The following ATP6V0A4 variants were observed in gnomAD, a reference collection of about 807,000 sequenced individuals.
ATP6V0A4 encodes V-type proton ATPase 116 kDa subunit a 4.
A neutral mutation model predicts 107.3 loss-of-function variants in ATP6V0A4; 86 were observed. The ratio of observed to expected loss-of-function variants is 0.80; its 90% CI spans 0.67 to 0.96. The LOEUF is 0.96. Among genes scored for constraint, ATP6V0A4 ranks in the 40% least tolerant of loss-of-function variants. ATP6V0A4 has a pLI of 0.00. For synonymous variants in ATP6V0A4, 353 were observed against 381.4 expected (o/e 0.93, Z 0.87); for missense variants, 908 against 1,045.6 (o/e 0.87, Z 1.81).
chr7:138,777,725 CCAG>C (rs1293641582), intron 2 of ATP6V0A4, among the ~76,000 whole-genome samples: 5 of 151,410 alleles, frequency 3.3e-5, no homozygotes, highest in African/African-American at 9.7e-5. Flanking sequence ...TTCTTCCCAA[CCAG>C]TAAAAATAAA....
chr7:138,777,578 G>T (rs1035315856), intron 2 of ATP6V0A4, among the ~76,000 whole-genome samples: 8 of 142,390 alleles, frequency 5.6e-5, no homozygotes, highest in Admixed American at 1.5e-4. Context: ...TCGTGCCATT[G>T]CACCCCAGCC....
At chr7:138,719,431 T>C (rs1341121943) in intron 19 of ATP6V0A4, among the ~76,000 whole-genome samples, 1 of 152,192 alleles carries the variant, frequency 6.6e-6, no homozygotes, top group Non-Finnish European at 1.5e-5. Context: ...GAGTTGGGAA[T>C]GATCTGCAAG....
intron 13 of ATP6V0A4, 111 bp downstream of exon 13, chr7:138,747,314 T>C (rs1562998697): frequency 1.1e-5 from 15 of 1,383,578 alleles, no homozygotes; most frequent in African/African-American, 1.4e-5. Flanking sequence ...TTTTTTACTT[T>C]CCTTCTCTCC....
At chr7:138,757,116 C>A (rs1806549600) in intron 8 of ATP6V0A4, among the ~76,000 whole-genome samples, 1 of 152,140 alleles carries the variant, frequency 6.6e-6, no homozygotes, top group South Asian at 2.1e-4. Context: ...AAGATGTGTT[C>A]CACAAGCAGA....
At chr7:138,707,692 G>GATT (rs1803518329) in intron 21 of ATP6V0A4, among the ~76,000 whole-genome samples, 1 of 151,460 alleles carries the variant, frequency 6.6e-6, no homozygotes, top group Non-Finnish European at 1.5e-5. Context: ...GTAAGCCACT[G>GATT]CATCCAGGCC....
intron 9 of ATP6V0A4, 26 bp from the exon 10 acceptor site, chr7:138,755,808 A>G: frequency 6.2e-7 from 1 of 1,609,492 alleles, no homozygotes; most frequent in Non-Finnish European, 8.5e-7. Context: ...TCCAAAGGAA[A>G]CAGGTGAGTT....
intron 14 of ATP6V0A4, among the ~76,000 whole-genome samples, chr7:138,741,753 G>A (rs140858936): frequency 9.7e-4 from 147 of 152,234 alleles, no homozygotes; most frequent in African/African-American, 3.2e-3. Flanking sequence ...GAGTCAATAC[G>A]CCCAACTCCA....
intron 5 of ATP6V0A4, 47 bp from the exon 6 acceptor site, chr7:138,763,072 C>T: frequency 6.2e-7 from 1 of 1,609,164 alleles, no homozygotes; most frequent in East Asian, 2.2e-5. Context: ...AGTGCTATGA[C>T]ATTCCTGAAA....
At chr7:138,764,345 C>A (rs1315467549) in intron 5 of ATP6V0A4, among the ~76,000 whole-genome samples, 2 of 151,802 alleles carry the variant, frequency 1.3e-5, no homozygotes, top group African/African-American at 4.8e-5. Context: ...ACTTTTTATA[C>A]CTTACATGTT....
At chr7:138,770,375 A>G (rs954961964) in intron 3 of ATP6V0A4, among the ~76,000 whole-genome samples, 1 of 152,150 alleles carries the variant, frequency 6.6e-6, no homozygotes, top group African/African-American at 2.4e-5. Context: ...GGGGTCATAA[A>G]AATGACCAGA....
intron 2 of ATP6V0A4, among the ~76,000 whole-genome samples, chr7:138,777,746 T>G (rs1181902988): frequency 6.6e-6 from 1 of 151,980 alleles, no homozygotes; most frequent in Non-Finnish European, 1.5e-5. Flanking sequence ...AAAAACCCTG[T>G]ACAGTATATA....
Position 138,798,173 on chromosome 7 carries a change from G to T in ATP6V0A4, c.-260C>A. 6.3e-7 allele frequency: 1 copy of T among 1,594,794 alleles called. No homozygotes were observed. The highest frequency in any genetic ancestry group is 1.1e-5 in the South Asian group (1 of 87,612). On this transcript the variant is annotated 5_prime_UTR_variant, in exon 1 of 22. Coordinates refer to ENST00000310018, the MANE Select transcript of ATP6V0A4 (RefSeq NM_020632.3). ...GCCTGGCCTTTGCCTCCCTCCACTCGGCTTGCTCGGCAGGTAGCGTTATGA... is the reference window on the plus strand; with the variant it reads ...GCCTGGCCTTTGCCTCCCTCCACTCTGCTTGCTCGGCAGGTAGCGTTATGA...
chr7:138,733,727 G>A (rs1035537051), intron 16 of ATP6V0A4, among the ~76,000 whole-genome samples: 1 of 151,904 alleles, frequency 6.6e-6, no homozygotes, highest in Non-Finnish European at 1.5e-5. Flanking sequence ...ACAGGTGCCC[G>A]ACACCATGCC....
At chr7:138,732,663 G>A (rs373030847) in intron 17 of ATP6V0A4, among the ~76,000 whole-genome samples, 5 of 152,050 alleles carry the variant, frequency 3.3e-5, no homozygotes, top group African/African-American at 4.8e-5. Flanking sequence ...GCGTGGTGGC[G>A]TGCACCTGTA....
At chr7:138,741,827 C>A (rs150143573) in intron 14 of ATP6V0A4, among the ~76,000 whole-genome samples, 1,715 of 152,268 alleles carry the variant, frequency 0.011, 37 homozygotes, top group African/African-American at 0.039. Flanking sequence ...AGACCCAGGT[C>A]GCAGCTGGTG....
intron 19 of ATP6V0A4, among the ~76,000 whole-genome samples, chr7:138,718,153 GGGA>G (rs1804175676): frequency 7.0e-5 from 9 of 128,256 alleles, no homozygotes; most frequent in Admixed American, 1.5e-4. Context: ...GAAGGAAGGG[GGGA>G]TGCAGTCACG....
rs761402968 is a variant in ATP6V0A4, at chr7:138,721,955, C to G, written c.2081G>C (p.Arg694Pro). The G allele has an allele frequency of 1.6e-5, 26 of 1,614,170 alleles. No individual in the cohort carries two copies. In the Admixed American group the frequency reaches 4.3e-4, roughly 27 times the overall value. ...ATCTGCAGAAGTCCTCTGGCCAGAA[C>G]GGCTAGAAGGGCTGGAGCTATCACC... ...IEGDSSSPSSRSGQRTSADTH... is the reference protein window; with the variant it reads ...IEGDSSSPSSPSGQRTSADTH... The change falls in exon 19 of 22, where the codon CGT (arginine) becomes CCT (proline). Residue 694 changes from arginine to proline, a missense_variant. Coordinates refer to ENST00000310018, the MANE Select transcript of ATP6V0A4 (RefSeq NM_020632.3).
rs1220013613 is a variant in ATP6V0A4, at chr7:138,709,850, T to C, written c.2258-55A>G. The C allele has an allele frequency of 6.9e-6, 11 of 1,585,122 alleles. No individual in the cohort carries two copies. In the African/African-American group the frequency reaches 1.5e-4, roughly 21 times the overall value. Reference sequence around the variant, plus strand: ...TCTTGTAAATGCAGATTGTTATTTATTGTATTTTCTCATCTTTTTAATTAA... The same window carrying C: ...TCTTGTAAATGCAGATTGTTATTTACTGTATTTTCTCATCTTTTTAATTAA... On this transcript the variant is annotated intron_variant, in intron 20 of 21. Coordinates refer to ENST00000310018, the MANE Select transcript of ATP6V0A4 (RefSeq NM_020632.3).
At chr7:138,716,962 G>A (rs1043406043) in intron 19 of ATP6V0A4, among the ~76,000 whole-genome samples, 8 of 152,258 alleles carry the variant, frequency 5.3e-5, no homozygotes, top group South Asian at 2.1e-4. Context: ...TCTGGGAAGC[G>A]CAATGACCAG....
Sources: allele counts gnomAD v4.1 joint callset (sites outside exome capture counted in the v4.1 genomes callset), GRCh38; gene constraint gnomAD v4.1.1; transcripts MANE v1.5; gene names NCBI Gene and HGNC (gene_info 2026-07-23, HGNC 2026-07-21).